Variants in KSR2 observed in about 807,000 individuals in gnomAD.
KSR2 encodes the protein kinase suppressor of ras 2.
KSR2 carries 25 observed loss-of-function variants against 107.8 expected under a neutral mutation model. That is an observed-to-expected ratio of 0.23 (90% CI 0.17 to 0.32). The LOEUF (loss-of-function observed/expected upper bound fraction) is 0.32. Among genes scored for constraint, KSR2 ranks in the 10% least tolerant of loss-of-function variants. KSR2 has a pLI of 1.00. For missense variants in KSR2, 887 were observed against 1,268.9 expected (o/e 0.70, Z 4.57); for synonymous variants, 480 against 507.0 (o/e 0.95, Z 0.71).
intron 14 of KSR2, among the ~76,000 whole-genome samples, chr12:117,521,021 G>A (rs1874724089): frequency 6.6e-6 from 1 of 151,980 alleles, no homozygotes; most frequent in Non-Finnish European, 1.5e-5. Flanking sequence ...TCTGGGGCAG[G>A]GCCAGGCACT....
rs572446225 is a variant in KSR2 at position 117,460,336 on chromosome 12, C to T, written c.*6863G>A. 1.3e-5 allele frequency: 2 copies of T among 152,198 alleles called. No individual in the cohort carries two copies. Among genetic ancestry groups the T allele is most frequent in the South Asian group, 4.2e-4 (2 of 4,804 alleles). 9.4% of individuals were successfully genotyped at this position (152,198 alleles called of 1,614,324 possible). A position where few individuals can be genotyped will look rare whatever the true frequency, so the allele number is the denominator to read the frequency against. ...ATGAGTGGGAAGGAAGGGCCCTTTC[C>T]CACCCCTGAGAGGGAAGAGCACTCA... On this transcript the variant is annotated 3_prime_UTR_variant, in exon 20 of 20. Transcript: ENST00000339824.
chr12:117,475,729 A>G (rs3861901), intron 17 of KSR2, among the ~76,000 whole-genome samples: 25,360 of 152,160 alleles, frequency 0.17, 2,250 homozygotes, highest in Admixed American at 0.22. Context: ...TATAAGATAG[A>G]GCTTAATTCT....
At chr12:117,725,271 A>G (rs995535709) in intron 4 of KSR2, among the ~76,000 whole-genome samples, 17 of 152,208 alleles carry the variant, frequency 1.1e-4, no homozygotes, top group Non-Finnish European at 4.4e-5. Context: ...AGACAGATGA[A>G]AAGACAAGAG....
chr12:117,554,318 C>G lies in KSR2; in HGVS notation c.1518+851G>C, dbSNP rs1242753962. On this transcript the variant is annotated intron_variant, in intron 9 of 19. Coordinates refer to ENST00000339824, the MANE Select transcript of KSR2 (RefSeq NM_173598.6). ...CACCTGTCTGAGGGTAGAAGCCAAC[C>G]AAATTGCCTGTTGCTCAGAGCTCAG... Among the ~76,000 whole-genome samples, 3 of 152,216 alleles carry G rather than the reference C, an allele frequency of 2.0e-5. No individual in the cohort carries two copies. In the East Asian group the frequency reaches 5.8e-4, roughly 29 times the overall value.
intron 5 of KSR2, among the ~76,000 whole-genome samples, chr12:117,612,580 A>T (rs1016279107): frequency 7.2e-5 from 11 of 152,314 alleles, no homozygotes; most frequent in African/African-American, 2.2e-4. Context: ...TGAAAAAATT[A>T]AAAAAGCAAC....
intron 5 of KSR2, among the ~76,000 whole-genome samples, chr12:117,611,615 T>G (rs1409550335): frequency 2.0e-5 from 3 of 152,150 alleles, no homozygotes; most frequent in Middle Eastern, 3.2e-3. Flanking sequence ...GAGCCAAGAT[T>G]CATGATTGGC....
chr12:117,538,467 G>A (rs1467306791), intron 10 of KSR2, among the ~76,000 whole-genome samples: 1 of 152,176 alleles, frequency 6.6e-6, no homozygotes, highest in East Asian at 1.9e-4. Flanking sequence ...TGTGGGGTGG[G>A]GCCTCTGTTT....
At chr12:117,624,269 C>T (rs144850704) in intron 5 of KSR2, among the ~76,000 whole-genome samples, 10,097 of 152,222 alleles carry the variant, frequency 0.066, 413 homozygotes, top group Middle Eastern at 0.12. Flanking sequence ...GTTGCCATTG[C>T]TTTTGGTGTT....
intron 3 of KSR2, among the ~76,000 whole-genome samples, chr12:117,850,805 T>C (rs56273373): frequency 3.7e-3 from 353 of 94,994 alleles, no homozygotes; most frequent in Non-Finnish European, 6.3e-3. Context: ...CAAGACCCCA[T>C]CTCAAAAAAA....
chr12:117,830,698 G>A (rs1183226587), intron 3 of KSR2, among the ~76,000 whole-genome samples: 1 of 152,084 alleles, frequency 6.6e-6, no homozygotes, highest in African/African-American at 2.4e-5. Flanking sequence ...GGCAGACGTG[G>A]GGAGAAACAA....
At chr12:117,733,809 G>T (rs1228499603) in intron 4 of KSR2, among the ~76,000 whole-genome samples, 1 of 152,098 alleles carries the variant, frequency 6.6e-6, no homozygotes, top group Non-Finnish European at 1.5e-5. Flanking sequence ...AGGAAGGCTG[G>T]TTTTTTGCAA....
rs1250282760 is a variant in KSR2, at chr12:117,968,623, G to GA, written c.-369dup. The GA allele has an allele frequency of 3.2e-6, 1 of 314,558 alleles. No individual in the cohort carries two copies. Among genetic ancestry groups the GA allele is most frequent in the Non-Finnish European group, 5.0e-6 (1 of 198,538 alleles). The allele number at this position is 314,558 out of a possible 1,614,324, so 19.5% of individuals were successfully genotyped here. ...AAAAGAAGAGGAGAAGGAGGAGAGAGAGGAGGAGGGAGAGGAGGAGGAGGG... is the reference window on the plus strand; with the variant it reads ...AAAAGAAGAGGAGAAGGAGGAGAGAGAAGGAGGAGGGAGAGGAGGAGGAGGG... On this transcript the variant is annotated 5_prime_UTR_variant, in exon 1 of 20. Coordinates refer to ENST00000339824, the MANE Select transcript of KSR2 (RefSeq NM_173598.6).
intron 15 of KSR2, 105 bp downstream of exon 15, chr12:117,485,490 C>A (rs1872410702): frequency 3.7e-6 from 3 of 816,760 alleles, no homozygotes; most frequent in Admixed American, 2.2e-5. Context: ...GATTGGTAGT[C>A]TGAAATCCAA....
intron 14 of KSR2, among the ~76,000 whole-genome samples, chr12:117,507,067 T>G (rs1395837515): frequency 6.6e-6 from 1 of 152,194 alleles, no homozygotes; most frequent in Non-Finnish European, 1.5e-5. Flanking sequence ...TCTCTCATTT[T>G]CATTAAAATC....
intron 1 of KSR2, among the ~76,000 whole-genome samples, chr12:117,960,976 T>C (rs1409523620): frequency 6.6e-6 from 1 of 151,902 alleles, no homozygotes; most frequent in Non-Finnish European, 1.5e-5. Flanking sequence ...ATTTTTGTAT[T>C]TTGGTAGATA....
At chr12:117,615,724 C>T (rs1881840849) in intron 5 of KSR2, among the ~76,000 whole-genome samples, 1 of 152,128 alleles carries the variant, frequency 6.6e-6, no homozygotes, top group Non-Finnish European at 1.5e-5. Flanking sequence ...ACTGTAGCCC[C>T]AAGCGACATA....
At chr12:117,605,728 G>T (rs1667591461) in intron 5 of KSR2, among the ~76,000 whole-genome samples, 1 of 152,170 alleles carries the variant, frequency 6.6e-6, no homozygotes, top group Admixed American at 6.5e-5. Context: ...CAACCCAAAT[G>T]CCCATCAATG....
intron 4 of KSR2, among the ~76,000 whole-genome samples, chr12:117,675,224 G>A (rs982287606): frequency 6.6e-6 from 1 of 151,782 alleles, no homozygotes; most frequent in African/African-American, 2.4e-5. Flanking sequence ...CACACAAAAA[G>A]GGCCTGTATC....
intron 5 of KSR2, among the ~76,000 whole-genome samples, chr12:117,612,465 T>C (rs949895422): frequency 2.6e-5 from 4 of 152,130 alleles, no homozygotes; most frequent in African/African-American, 9.6e-5. Flanking sequence ...AAAATTTAAA[T>C]CACGTTTGTG....
Sources: allele counts gnomAD v4.1 joint callset (sites outside exome capture counted in the v4.1 genomes callset), GRCh38; gene constraint gnomAD v4.1.1; transcripts MANE v1.5; gene names NCBI Gene and HGNC (gene_info 2026-07-23, HGNC 2026-07-21).